The following TOX variants were observed in gnomAD, a reference collection of about 807,000 sequenced individuals.
TOX encodes thymocyte selection-associated high mobility group box protein TOX.
In TOX, 11 loss-of-function variants were observed where a neutral mutation model predicts 53.7. The ratio of observed to expected loss-of-function variants is 0.20; its 90% confidence interval spans 0.13 to 0.34. The LOEUF is 0.34. Among genes scored for constraint, TOX ranks in the 10% least tolerant of loss-of-function variants. The pLI, the probability that TOX is intolerant of heterozygous loss-of-function variation, is 1.00. For synonymous variants in TOX, 225 were observed against 245.3 expected (o/e 0.92, Z 0.77); for missense variants, 570 against 664.6 (o/e 0.86, Z 1.56).
chr8:58,940,426 C>CTGTTTGAAATGGAA (rs1167557016), intron 2 of TOX, among the ~76,000 whole-genome samples: 3 of 151,582 alleles, frequency 2.0e-5, no homozygotes, highest in Non-Finnish European at 2.9e-5. Flanking sequence ...GAGGACATGC[C>CTGTTTGAAATGGAA]TGTTTGAAAT....
intron 1 of TOX, among the ~76,000 whole-genome samples, chr8:59,004,318 A>C (rs1813747832): frequency 6.6e-6 from 1 of 152,228 alleles, no homozygotes. Flanking sequence ...AATTGTAAGC[A>C]ACTAGTGTAG....
At position 58,806,629 on chromosome 8, in the gene TOX, C is replaced by A. The variant is rs1393008580; in HGVS notation, c.*1118G>T. The A allele has an allele frequency of 6.6e-6, 1 of 152,472 alleles. No homozygotes were observed. Among genetic ancestry groups the A allele is most frequent in the Non-Finnish European group, 1.5e-5 (1 of 68,012 alleles). The allele number at this position is 152,472 out of a possible 1,614,324, so 9.4% of individuals were successfully genotyped here. ...AACCAAAGAAATGCAGAAATAAGGACTGGTTACTTTAATTTGCTGCTAAAT... is the reference window on the plus strand; with the variant it reads ...AACCAAAGAAATGCAGAAATAAGGAATGGTTACTTTAATTTGCTGCTAAAT... On this transcript the variant is annotated 3_prime_UTR_variant, in exon 9 of 9. Coordinates refer to ENST00000361421, the MANE Select transcript of TOX (RefSeq NM_014729.3).
At chr8:59,007,572 G>T (rs575902395) in intron 1 of TOX, among the ~76,000 whole-genome samples, 28 of 152,236 alleles carry the variant, frequency 1.8e-4, no homozygotes, top group Non-Finnish European at 4.4e-5. Flanking sequence ...TGAGTAACTT[G>T]TTTACTACCA....
At chr8:58,989,302 C>T (rs887789655) in intron 1 of TOX, among the ~76,000 whole-genome samples, 4 of 150,884 alleles carry the variant, frequency 2.7e-5, no homozygotes, top group East Asian at 1.9e-4. Flanking sequence ...GGTGACAGAG[C>T]GAGACTCTAT....
chr8:59,095,332 T>A (rs1033255058), intron 1 of TOX, among the ~76,000 whole-genome samples: 1 of 152,030 alleles, frequency 6.6e-6, no homozygotes, highest in Non-Finnish European at 1.5e-5. Flanking sequence ...CTAACATTCA[T>A]CTCAGGAAGC....
intron 3 of TOX, among the ~76,000 whole-genome samples, chr8:58,923,710 G>A: frequency 6.6e-6 from 1 of 152,112 alleles, no homozygotes; most frequent in African/African-American, 2.4e-5. Context: ...TGGAGGGCAG[G>A]AACTATTTCC....
chr8:59,050,609 C>A (rs937255207), intron 1 of TOX, among the ~76,000 whole-genome samples: 1 of 151,992 alleles, frequency 6.6e-6, no homozygotes. Flanking sequence ...GAGGAAAAGT[C>A]CATACTTTCA....
chr8:58,867,794 T>G (rs1811129015), intron 3 of TOX, among the ~76,000 whole-genome samples: 1 of 152,174 alleles, frequency 6.6e-6, no homozygotes, highest in Admixed American at 6.5e-5. Flanking sequence ...GAATCTAAAT[T>G]CTGAGGGCTG....
chr8:59,092,310 TATATATAC>T (rs1160419821), intron 1 of TOX, among the ~76,000 whole-genome samples: 1 of 109,748 alleles, frequency 9.1e-6, no homozygotes, highest in Non-Finnish European at 1.6e-5. Flanking sequence ...TATTATATAT[TATATATAC>T]ATATATATAT....
At chr8:59,016,908 C>T (rs557904251) in intron 1 of TOX, among the ~76,000 whole-genome samples, 2 of 152,240 alleles carry the variant, frequency 1.3e-5, no homozygotes, top group Non-Finnish European at 2.9e-5. Flanking sequence ...GTAGAGTGTG[C>T]GCCTAGCAGA....
intron 6 of TOX, among the ~76,000 whole-genome samples, chr8:58,816,044 C>A (rs780675582): frequency 6.6e-5 from 10 of 152,188 alleles, no homozygotes; most frequent in Non-Finnish European, 1.3e-4. Context: ...CGGGAGAAGG[C>A]AGATGCCGTG....
intron 2 of TOX, among the ~76,000 whole-genome samples, chr8:58,950,399 C>T (rs1812602211): frequency 6.6e-6 from 1 of 152,180 alleles, no homozygotes; most frequent in Non-Finnish European, 1.5e-5. Flanking sequence ...AAAGCCTGTG[C>T]TCTTGGTTTG....
intron 7 of TOX, among the ~76,000 whole-genome samples, chr8:58,812,458 T>C (rs1810100377): frequency 1.3e-5 from 2 of 152,270 alleles, no homozygotes; most frequent in African/African-American, 4.8e-5. Context: ...TGGCTGCTGC[T>C]GTCTGTGGGA....
At chr8:58,832,446 G>A (rs1054524075) in intron 5 of TOX, among the ~76,000 whole-genome samples, 2 of 151,956 alleles carry the variant, frequency 1.3e-5, no homozygotes, top group Non-Finnish European at 2.9e-5. Flanking sequence ...GTTACAGTGC[G>A]ACAGGATTTT....
At chr8:59,000,942 T>C (rs1027041835) in intron 1 of TOX, among the ~76,000 whole-genome samples, 4 of 151,128 alleles carry the variant, frequency 2.6e-5, no homozygotes, top group African/African-American at 9.7e-5. Context: ...CTTTCTTATC[T>C]CAATTGTATC....
At chr8:58,968,884 G>T (rs1054755909) in intron 1 of TOX, among the ~76,000 whole-genome samples, 1 of 152,138 alleles carries the variant, frequency 6.6e-6, no homozygotes, top group Non-Finnish European at 1.5e-5. Flanking sequence ...CAGAGAAGTT[G>T]TATTTAGGTG....
chr8:58,965,676 A>G (rs1273679247), intron 1 of TOX, among the ~76,000 whole-genome samples: 3 of 152,122 alleles, frequency 2.0e-5, no homozygotes, highest in African/African-American at 7.2e-5. Context: ...ATTGCCTACA[A>G]AGGGAAAAAT....
intron 3 of TOX, among the ~76,000 whole-genome samples, chr8:58,872,592 T>C (rs1392583111): frequency 2.0e-5 from 3 of 152,120 alleles, no homozygotes; most frequent in Non-Finnish European, 4.4e-5. Context: ...GTGATGAGAA[T>C]GGCACTTTAC....
chr8:59,085,357 C>T (rs1563441465), intron 1 of TOX, among the ~76,000 whole-genome samples: 1 of 151,876 alleles, frequency 6.6e-6, no homozygotes, highest in Non-Finnish European at 1.5e-5. Context: ...GATGCCAAAC[C>T]ACCAATCTGA....
Sources: gnomAD v4.1 joint callset for allele counts (sites outside exome capture counted in the v4.1 genomes callset) on GRCh38, gnomAD v4.1.1 for gene constraint, MANE v1.5 for transcripts, NCBI Gene and HGNC (gene_info 2026-07-23, HGNC 2026-07-21) for gene names.